Variants in TRPM3 observed in about 807,000 individuals in gnomAD.
The protein encoded by TRPM3 is long transient receptor potential channel 3.
In TRPM3, 77 loss-of-function variants were observed where a neutral mutation model predicts 181.2. That is an observed-to-expected ratio of 0.42 (90% confidence interval 0.35 to 0.51). TRPM3 has a LOEUF of 0.51. Ranked by LOEUF, TRPM3 falls within the 20% of genes least tolerant of loss-of-function variation. The pLI is 0.01. For missense variants in TRPM3, 1,759 were observed against 2,196.7 expected (o/e 0.80, Z 3.98); for synonymous variants, 745 against 796.4 (o/e 0.94, Z 1.09).
intron 1 of TRPM3, among the ~76,000 whole-genome samples, chr9:71,227,981 C>G (rs1337422129): frequency 6.6e-6 from 1 of 152,128 alleles, no homozygotes; most frequent in Non-Finnish European, 1.5e-5. Flanking sequence ...CAAACTCATT[C>G]TATGAGGCCA....
At chr9:71,269,048 C>G (rs959722945) in intron 1 of TRPM3, among the ~76,000 whole-genome samples, 1 of 152,006 alleles carries the variant, frequency 6.6e-6, no homozygotes, top group African/African-American at 2.4e-5. Flanking sequence ...TACACGGGGG[C>G]GGGCAGAGGT....
rs942924482 is a variant in TRPM3 at position 71,360,788 on chromosome 9, TC to T, written c.183+85864del. On this transcript the variant is annotated intron_variant, in intron 1 of 24. Transcript: ENST00000357533. Reference sequence around the variant, plus strand: ...TTAATGCCCAGAGCACAGCACTATGTCATCAAGTAATAATGGTAGAGTTTGC... The same window carrying T: ...TTAATGCCCAGAGCACAGCACTATGTATCAAGTAATAATGGTAGAGTTTGC... 9.2e-5 allele frequency among the ~76,000 whole-genome samples: 14 copies of T among 152,182 alleles called. No individual in the cohort carries two copies. In the East Asian group the frequency reaches 2.7e-3, roughly 29 times the overall value.
At chr9:71,429,830 C>CT (rs2093929649) in intron 1 of TRPM3, among the ~76,000 whole-genome samples, 1 of 152,166 alleles carries the variant, frequency 6.6e-6, no homozygotes. Flanking sequence ...GCTGACTGCT[C>CT]TAGCCTCTTT....
intron 1 of TRPM3, among the ~76,000 whole-genome samples, chr9:71,135,200 C>A (rs370510854): frequency 2.0e-5 from 3 of 152,304 alleles, no homozygotes; most frequent in East Asian, 3.9e-4. Context: ...TACTGGACTG[C>A]AAATTCTCAG....
intron 1 of TRPM3, among the ~76,000 whole-genome samples, chr9:70,989,589 G>C (rs2134107737): frequency 6.6e-6 from 1 of 152,254 alleles, no homozygotes; most frequent in Middle Eastern, 3.4e-3. Flanking sequence ...GGGTAGGATG[G>C]AGGTTACGGT....
At chr9:70,938,978 AAAAT>A (rs978017178) in intron 1 of TRPM3, among the ~76,000 whole-genome samples, 2 of 151,800 alleles carry the variant, frequency 1.3e-5, no homozygotes, top group Admixed American at 1.3e-4. Flanking sequence ...ATAAAAATAA[AAAAT>A]AAAAAAATAA....
chr9:70,935,442 C>T (rs901151673), intron 1 of TRPM3, among the ~76,000 whole-genome samples: 3 of 152,196 alleles, frequency 2.0e-5, no homozygotes, highest in African/African-American at 4.8e-5. Context: ...AATAACAAGG[C>T]TGACCTGCAT....
intron 12 of TRPM3, 149 bp downstream of exon 12, chr9:70,635,060 TAC>T (rs5898155): frequency 0.2 from 105,884 of 520,932 alleles, 6,612 homozygotes; most frequent in African/African-American, 0.4. Flanking sequence ...AAAAGACACA[TAC>T]ACACACACAC....
intron 1 of TRPM3, among the ~76,000 whole-genome samples, chr9:71,333,537 C>A (rs1220172382): frequency 3.9e-5 from 6 of 151,930 alleles, no homozygotes; most frequent in Non-Finnish European, 7.4e-5. Context: ...GATAAGTTGC[C>A]CTGTGGGGAG....
intron 1 of TRPM3, among the ~76,000 whole-genome samples, chr9:71,394,332 C>T (rs1310777537): frequency 6.6e-6 from 1 of 152,078 alleles, no homozygotes; most frequent in East Asian, 1.9e-4. Context: ...ATGACTTCAA[C>T]CACAGAAAAC....
intron 1 of TRPM3, among the ~76,000 whole-genome samples, chr9:71,062,410 A>G (rs2061429634): frequency 2.0e-5 from 3 of 152,132 alleles, no homozygotes; most frequent in Non-Finnish European, 4.4e-5. Flanking sequence ...GTTATTCAAG[A>G]GCAAGAAAAA....
chr9:71,339,427 T>C (rs2090797448), intron 1 of TRPM3, among the ~76,000 whole-genome samples: 1 of 152,128 alleles, frequency 6.6e-6, no homozygotes, highest in South Asian at 2.1e-4. Context: ...TATTTACATA[T>C]GCTACAAAGC....
intron 1 of TRPM3, among the ~76,000 whole-genome samples, chr9:71,378,860 G>A (rs1001619611): frequency 6.6e-6 from 1 of 151,750 alleles, no homozygotes; most frequent in South Asian, 2.1e-4. Flanking sequence ...ATATATTATT[G>A]AATAATTATA....
chr9:70,783,141 G>T (rs1046593397), intron 7 of TRPM3, among the ~76,000 whole-genome samples: 1 of 152,150 alleles, frequency 6.6e-6, no homozygotes, highest in African/African-American at 2.4e-5. Context: ...CATCTTGAGA[G>T]TGGCAATTAA....
At chr9:70,773,417 T>C (rs1250612121) in intron 7 of TRPM3, among the ~76,000 whole-genome samples, 2 of 152,326 alleles carry the variant, frequency 1.3e-5, no homozygotes, top group African/African-American at 2.4e-5. Flanking sequence ...GGCTGATGCA[T>C]GTAGAAGCTC....
At chr9:71,327,470 A>C (rs889078477) in intron 1 of TRPM3, among the ~76,000 whole-genome samples, 3 of 152,150 alleles carry the variant, frequency 2.0e-5, no homozygotes, top group Non-Finnish European at 4.4e-5. Flanking sequence ...TGTTATATGC[A>C]CTTATGAGTC....
chr9:71,319,040 C>A (rs1354676551), intron 1 of TRPM3, among the ~76,000 whole-genome samples: 1 of 152,286 alleles, frequency 6.6e-6, no homozygotes, highest in Non-Finnish European at 1.5e-5. Context: ...GTGAGATTCA[C>A]CAATTTTGTC....
chr9:70,818,616 C>T lies in TRPM3; in HGVS notation c.973+9231G>A, dbSNP rs142412046. Among the ~76,000 whole-genome samples, 359 of 152,260 alleles carry T rather than the reference C, an allele frequency of 2.4e-3. 10 individuals are homozygous for T. In the East Asian group the frequency reaches 0.06, roughly 26 times the overall value. ...AAAGCAGTGGTGCTAAGAGTGGGTG[C>T]GGCCGAATTGGAAATTCTGATCTAA... On this transcript the variant is annotated intron_variant, in intron 6 of 25. Coordinates refer to ENST00000677713, the MANE Select transcript of TRPM3 (RefSeq NM_001366145.2).
chr9:70,681,759 G>A (rs1590252540), intron 8 of TRPM3, among the ~76,000 whole-genome samples, 181 bp from the exon 9 acceptor site: 1 of 152,146 alleles, frequency 6.6e-6, no homozygotes, highest in East Asian at 1.9e-4. Context: ...AGAGGGAGAT[G>A]CCTCAGTAGT....
Sources: gnomAD v4.1 joint callset for allele counts (sites outside exome capture counted in the v4.1 genomes callset) on GRCh38, gnomAD v4.1.1 for gene constraint, MANE v1.5 for transcripts, NCBI Gene and HGNC (gene_info 2026-07-23, HGNC 2026-07-21) for gene names.